The following NFIX variants were observed in gnomAD, a reference collection of about 807,000 sequenced individuals.
NFIX encodes nuclear factor 1 X-type.
NFIX carries 2 observed loss-of-function variants against 53.3 expected under a neutral mutation model. That is an observed-to-expected ratio of 0.04 (90% CI 0.02 to 0.12). The LOEUF (loss-of-function observed/expected upper bound fraction) is 0.12, where lower values mean the gene tolerates loss of function less well. Ranked by LOEUF, NFIX falls within the 10% of genes least tolerant of loss-of-function variation. The pLI, the probability that NFIX is intolerant of heterozygous loss-of-function variation, is 1.00. For synonymous variants in NFIX, 244 were observed against 289.0 expected (o/e 0.84, Z 1.58); for missense variants, 310 against 674.5 (o/e 0.46, Z 5.99).
At chr19:13,077,106 G>A (rs971927154) in intron 6 of NFIX, among the ~76,000 whole-genome samples, 6 of 152,144 alleles carry the variant, frequency 3.9e-5, no homozygotes, top group African/African-American at 1.4e-4. Flanking sequence ...GGCCTCAGTA[G>A]GTGACCCCTT....
rs542194116 is a variant in NFIX at position 13,028,666 on chromosome 19, G to A, written c.559+3114G>A. Among the ~76,000 whole-genome samples the A allele has an allele frequency of 2.2e-4, 34 of 152,328 alleles. No homozygotes were observed. The highest frequency in any genetic ancestry group is 8.2e-4 in the African/African-American group (34 of 41,566). ...TGTCTGTCTGTGTTTAGGAAGGGAG[G>A]TTGAGGCAGGGCAGGGTCAGAGAGC... On this transcript the variant is annotated intron_variant, in intron 2 of 10. Coordinates refer to ENST00000592199, the MANE Select transcript of NFIX (RefSeq NM_001365902.3). The surrounding 1 kb of genome is among the most constrained non-coding windows in gnomAD (Gnocchi z 4.2).
At chr19:13,038,372 C>T (rs1421369270) in intron 2 of NFIX, among the ~76,000 whole-genome samples, 2 of 152,190 alleles carry the variant, frequency 1.3e-5, no homozygotes, top group Non-Finnish European at 2.9e-5. Flanking sequence ...CAGGCCACTG[C>T]GGCTCCTGGG....
At chr19:13,087,602 C>T (rs1471708743) in intron 8 of NFIX, among the ~76,000 whole-genome samples, 2 of 151,956 alleles carry the variant, frequency 1.3e-5, no homozygotes, top group Non-Finnish European at 1.5e-5. Flanking sequence ...GCAGGGTGAG[C>T]GCGCTCATCT....
At position 13,095,584 on chromosome 19, in the gene NFIX, C is replaced by T. The variant is rs1287641378; in HGVS notation, c.*935C>T. On this transcript the variant is annotated 3_prime_UTR_variant, in exon 11 of 11. Transcript: ENST00000592199. ...AGCCCTGCATGCAGGTGCCCTCGCT[C>T]CGCCCCATCAGTTCCTGCCCCTGCC... 6.6e-6 allele frequency: 1 copy of T among 152,304 alleles called. No homozygotes were observed. 9.4% of individuals were successfully genotyped at this position (152,304 alleles called of 1,614,324 possible).
intron 2 of NFIX, among the ~76,000 whole-genome samples, chr19:13,044,605 C>T (rs1391946951): frequency 1.3e-5 from 2 of 152,302 alleles, no homozygotes; most frequent in East Asian, 3.9e-4. Flanking sequence ...CTGGGCCCAA[C>T]TCCAACCTGG....
At chr19:13,042,375 T>TG (rs372581263) in intron 2 of NFIX, among the ~76,000 whole-genome samples, 2 of 148,258 alleles carry the variant, frequency 1.3e-5, no homozygotes, top group African/African-American at 5.0e-5. Context: ...TTTTTTTTTT[T>TG]GGAGACAGAG....
chr19:13,059,615 C>T (rs1273410939), intron 2 of NFIX, among the ~76,000 whole-genome samples: 3 of 152,222 alleles, frequency 2.0e-5, no homozygotes, highest in African/African-American at 7.2e-5. Context: ...TGTAAGCCAC[C>T]TGGCTTTAAA....
intron 8 of NFIX, among the ~76,000 whole-genome samples, chr19:13,086,906 G>C (rs945526533): frequency 6.6e-6 from 1 of 152,244 alleles, no homozygotes; most frequent in African/African-American, 2.4e-5. Context: ...GCTCCTCAGG[G>C]CTTGCTCACC....
In NFIX at chr19:13,073,836, A is replaced by G; in HGVS notation, c.698-70A>G. The stretch of plus-strand genomic sequence containing the variant: ...ACCCTGGGCTTCTGGGAAGCTGTTC[A>G]TGACAAAGAAACAGACCCCATCAGG... On this transcript the variant is annotated intron_variant, in intron 4 of 10. Transcript: ENST00000592199. The surrounding 1 kb of genome is among the most constrained non-coding windows in gnomAD (Gnocchi z 4.5). 1 of 1,603,680 alleles carries G rather than the reference A, an allele frequency of 6.2e-7. No individual in the cohort carries two copies. The highest frequency in any genetic ancestry group is 8.5e-7 in the Non-Finnish European group (1 of 1,172,570).
chr19:13,006,368 T>C lies in NFIX; in HGVS notation c.27+10504T>C, dbSNP rs147353637. ...GCATGCCCATCATTTGCCCAGACCATGTTGCCTGTCATTTCTTCAATCTGA... is the reference window on the plus strand; with the variant it reads ...GCATGCCCATCATTTGCCCAGACCACGTTGCCTGTCATTTCTTCAATCTGA... On this transcript the variant is annotated intron_variant, in intron 1 of 10. Coordinates refer to ENST00000592199, the MANE Select transcript of NFIX (RefSeq NM_001365902.3). The surrounding 1 kb of genome is among the most constrained non-coding windows in gnomAD (Gnocchi z 5.6). Among the ~76,000 whole-genome samples the C allele has an allele frequency of 2.0e-3, 308 of 152,318 alleles. 2 individuals are homozygous for C. The highest frequency in any genetic ancestry group is 0.01 in the Middle Eastern group (3 of 294).
chr19:13,030,605 C>T (rs979460904), intron 2 of NFIX, among the ~76,000 whole-genome samples: 1 of 152,090 alleles, frequency 6.6e-6, no homozygotes, highest in African/African-American at 2.4e-5. Context: ...ATCACCAGTC[C>T]CTAATGCCTC....
At chr19:13,015,435 C>T (rs2012606205) in intron 1 of NFIX, among the ~76,000 whole-genome samples, 3 of 152,148 alleles carry the variant, frequency 2.0e-5, no homozygotes, top group Non-Finnish European at 4.4e-5. Flanking sequence ...GTCGCTTGCT[C>T]ACTCTCTCTG....
At chr19:13,018,805 C>A (rs1055474347) in intron 1 of NFIX, among the ~76,000 whole-genome samples, 2 of 152,228 alleles carry the variant, frequency 1.3e-5, no homozygotes, top group African/African-American at 4.8e-5. Context: ...AATCTTGGGA[C>A]AAGGTGGGAG....
chr19:13,029,878 A>G (rs962453170), intron 2 of NFIX, among the ~76,000 whole-genome samples: 1 of 152,292 alleles, frequency 6.6e-6, no homozygotes, highest in East Asian at 1.9e-4. Context: ...CTGCCCATCC[A>G]CGTCCTTCCT....
rs2014219193 is a variant in NFIX, at chr19:13,036,669, G to C, written c.559+11117G>C. On this transcript the variant is annotated intron_variant, in intron 2 of 10. Transcript: ENST00000592199. The surrounding 1 kb of genome is among the most constrained non-coding windows in gnomAD (Gnocchi z 4.7). ...ATTAGCGCATAATTATTATATAATG[G>C]GCGTTATTGCATAATGGCAGTTATA... Among the ~76,000 whole-genome samples, 1 of 152,078 alleles carries C rather than the reference G, an allele frequency of 6.6e-6. No homozygotes were observed. Among genetic ancestry groups the C allele is most frequent in the Admixed American group, 6.5e-5 (1 of 15,276 alleles).
rs1335405672 is a variant in NFIX, at chr19:13,001,749, C to T, written c.27+5885C>T. On this transcript the variant is annotated intron_variant, in intron 1 of 10. Coordinates refer to ENST00000592199, the MANE Select transcript of NFIX (RefSeq NM_001365902.3). This position sits in a 1 kb window ranked among gnomAD's most constrained non-coding sequence, Gnocchi z 6.5. ...GACAATCACTGTGGGTCTCACCCCA[C>T]GGGCGCCTCTCCTGGGCATTCCCTT... Among the ~76,000 whole-genome samples, 1 of 152,188 alleles carries T rather than the reference C, an allele frequency of 6.6e-6. No homozygotes were observed. The highest frequency in any genetic ancestry group is 2.4e-5 in the African/African-American group (1 of 41,444).
intron 6 of NFIX, among the ~76,000 whole-genome samples, chr19:13,077,656 C>G (rs1568321239): frequency 6.6e-6 from 1 of 152,214 alleles, no homozygotes; most frequent in African/African-American, 2.4e-5. Context: ...CCCAAACTGA[C>G]TTGATTTGTC....
chr19:13,065,066 G>A (rs544089017), intron 2 of NFIX, among the ~76,000 whole-genome samples: 10 of 152,190 alleles, frequency 6.6e-5, no homozygotes, highest in South Asian at 4.1e-4. Flanking sequence ...TTGGTATGCC[G>A]TTGCTGGCCA....
At position 13,021,278 on chromosome 19, in the gene NFIX, C is replaced by T. The variant is rs945026115; in HGVS notation, c.28-3743C>T. On this transcript the variant is annotated intron_variant, in intron 1 of 10. Coordinates refer to ENST00000592199, the MANE Select transcript of NFIX (RefSeq NM_001365902.3). The surrounding 1 kb of genome is among the most constrained non-coding windows in gnomAD (Gnocchi z 4.2). ...GCCTGTCTCTGATACCACCTGCCTT[C>T]TGTACTCTCACCTCTAACCGTTTCT... is the stretch of plus-strand genomic sequence containing the variant. 2.0e-5 allele frequency among the ~76,000 whole-genome samples: 3 copies of T among 152,152 alleles called. No homozygotes were observed. Among genetic ancestry groups the T allele is most frequent in the African/African-American group, 7.2e-5 (3 of 41,430 alleles).
Sources: allele counts gnomAD v4.1 joint callset (sites outside exome capture counted in the v4.1 genomes callset), GRCh38; gene constraint gnomAD v4.1.1; non-coding constraint Gnocchi (gnomAD v3.1); transcripts MANE v1.5; gene names NCBI Gene and HGNC (gene_info 2026-07-23, HGNC 2026-07-21).